Variants in PTH2R observed in about 807,000 individuals in gnomAD.
PTH2R encodes parathyroid hormone 2 receptor, also known as PTH2 receptor.
PTH2R carries 59 observed loss-of-function variants against 60.3 expected under a neutral mutation model. The ratio of observed to expected loss-of-function variants is 0.98; its 90% confidence interval spans 0.79 to 1.22. PTH2R has a LOEUF of 1.22. Among genes scored for constraint, PTH2R ranks in the 50% most tolerant of loss-of-function variants. The pLI, the probability that PTH2R is intolerant of heterozygous loss-of-function variation, is 0.00. For missense variants in PTH2R, 749 were observed against 682.6 expected, an observed-to-expected ratio of 1.10 and a Z score of -1.08; for synonymous variants, 256 against 243.8, an observed-to-expected ratio of 1.05 and a Z score of -0.47.
At chr2:208,490,477 G>A (rs1481811164) in intron 11 of PTH2R, among the ~76,000 whole-genome samples, 162 bp from the exon 12 acceptor site, 2 of 152,128 alleles carry the variant, frequency 1.3e-5, no homozygotes, top group Admixed American at 6.5e-5. Context: ...CAAATTTAAT[G>A]TAAACATAAG....
intron 2 of PTH2R, 61 bp from the exon 3 acceptor site, chr2:208,437,476 G>T (rs193301409): frequency 1.4e-6 from 2 of 1,428,416 alleles, no homozygotes; most frequent in Admixed American, 4.5e-5. Flanking sequence ...GAATGCATTT[G>T]TTCTCTGGTT....
intron 1 of PTH2R, among the ~76,000 whole-genome samples, chr2:208,411,837 T>G (rs933525794): frequency 6.6e-6 from 1 of 152,238 alleles, no homozygotes; most frequent in Non-Finnish European, 1.5e-5. Context: ...TATAGTGACA[T>G]CTACTCATAG....
At chr2:208,387,358 AC>A (rs1402042539) in intron 1 of PTH2R, among the ~76,000 whole-genome samples, 39 of 152,336 alleles carry the variant, frequency 2.6e-4, no homozygotes. Flanking sequence ...CCCTAAATGC[AC>A]ATACAGGCAT....
intron 1 of PTH2R, 35 bp from the exon 2 acceptor site, chr2:208,428,166 T>A (rs1053400973): frequency 6.7e-6 from 10 of 1,499,430 alleles, no homozygotes; most frequent in Non-Finnish European, 9.2e-6. Flanking sequence ...TGAAAAAACA[T>A]GATGAAAATG....
intron 8 of PTH2R, among the ~76,000 whole-genome samples, chr2:208,454,328 G>C (rs1014852032): frequency 6.6e-6 from 1 of 152,128 alleles, no homozygotes; most frequent in Non-Finnish European, 1.5e-5. Context: ...CCCCCAATGT[G>C]ACTCTATTTG....
chr2:208,465,203 T>C (rs1702719142), intron 9 of PTH2R, among the ~76,000 whole-genome samples: 2 of 151,428 alleles, frequency 1.3e-5, no homozygotes. Context: ...CTCAAACTCC[T>C]GGGCTCAAGC....
Position 208,481,024 on chromosome 2 carries a change from C to T in PTH2R, c.982-46C>T, listed in dbSNP as rs1574912159. ...AATTTATGTAAATGTTTATAAAAAT[C>T]TTGAAGACTAACAATAATTCTTTGT... is the stretch of plus-strand genomic sequence containing the variant. On this transcript the variant is annotated intron_variant, in intron 9 of 12. Transcript: ENST00000272847. 3.0e-6 allele frequency: 4 copies of T among 1,329,274 alleles called. No individual in the cohort carries two copies. In the African/African-American group the frequency reaches 4.5e-5, roughly 15 times the overall value. 82.3% of individuals were successfully genotyped at this position (1,329,274 alleles called of 1,614,324 possible).
At position 208,444,872 on chromosome 2, in the gene PTH2R, A is replaced by C; in HGVS notation, c.838A>C (p.Ile280Leu). ...FSDTKYLWGF[I>L]LIGWGFPAAF... The stretch of plus-strand genomic sequence containing the variant: ...GGACACCAAATACCTGTGGGGCTTC[A>C]TCTTGATAGGCTGGGGTAAGACATT... Residue 280 changes from isoleucine (I) to leucine (L), a missense_variant, in exon 7 of 13, where the codon ATC becomes CTC. Transcript: ENST00000272847. 6.2e-7 allele frequency: 1 copy of C among 1,613,364 alleles called. No individual in the cohort carries two copies. The highest frequency in any genetic ancestry group is 1.1e-5 in the South Asian group (1 of 90,976).
rs902930822 is a variant in PTH2R, at chr2:208,473,054, C to A, written c.982-8016C>A. Among the ~76,000 whole-genome samples the A allele has an allele frequency of 8.5e-5, 13 of 152,142 alleles. No individual in the cohort carries two copies. In the East Asian group the frequency reaches 2.1e-3, roughly 25 times the overall value. On this transcript the variant is annotated intron_variant, in intron 9 of 12. Coordinates refer to ENST00000272847, the MANE Select transcript of PTH2R (RefSeq NM_005048.4). The stretch of plus-strand genomic sequence containing the variant: ...GCACATACCCTGGTGCATGAGAGGA[C>A]TTAGGTGGTATATGCAAGGTCATTA...
In PTH2R at chr2:208,380,825, A is replaced by G. The variant is rs555210195; in HGVS notation, c.-259+20588A>G. 6.6e-5 allele frequency among the ~76,000 whole-genome samples: 10 copies of G among 151,782 alleles called. No individual in the cohort carries two copies. In the East Asian group the frequency reaches 1.7e-3, roughly 26 times the overall value. On this transcript the variant is annotated intron_variant, in intron 1 of 12. Transcript: ENST00000617735. ...TGTTAGCTGGTAGACCTAAGCCACC[A>G]CTCCAGTACTGACTGTCAGTAAGGA...
chr2:208,376,768 A>G (rs1220161384), intron 1 of PTH2R, among the ~76,000 whole-genome samples: 2 of 151,996 alleles, frequency 1.3e-5, no homozygotes, highest in African/African-American at 4.8e-5. Flanking sequence ...TGTGGGCTCT[A>G]TTCTCTGCAG....
chr2:208,427,688 G>A (rs1335874663), intron 1 of PTH2R, among the ~76,000 whole-genome samples: 1 of 151,934 alleles, frequency 6.6e-6, no homozygotes, highest in Non-Finnish European at 1.5e-5. Flanking sequence ...CAATATTTTG[G>A]GATGTTTTGT....
chr2:208,477,745 C>CT (rs1157156014), intron 9 of PTH2R, among the ~76,000 whole-genome samples: 2 of 151,692 alleles, frequency 1.3e-5, no homozygotes, highest in South Asian at 2.1e-4. Context: ...AGCCATCTCT[C>CT]TTTTTTTAAA....
chr2:208,391,402 GATAA>G (rs1395784186), intron 1 of PTH2R, among the ~76,000 whole-genome samples: 3 of 152,182 alleles, frequency 2.0e-5, no homozygotes, highest in Admixed American at 2.0e-4. Flanking sequence ...TCTCTTGATA[GATAA>G]CCCACTGGCT....
At chr2:208,455,129 A>G (rs748203168) in intron 8 of PTH2R, among the ~76,000 whole-genome samples, 10 of 152,180 alleles carry the variant, frequency 6.6e-5, no homozygotes, top group Non-Finnish European at 1.2e-4. Context: ...ATGTTATCTA[A>G]TTGACATCAT....
chr2:208,439,727 A>G (rs923639081), intron 4 of PTH2R, among the ~76,000 whole-genome samples: 1 of 152,148 alleles, frequency 6.6e-6, no homozygotes, highest in East Asian at 1.9e-4. Context: ...TTAGAGTGTG[A>G]TATTTAAAAC....
At chr2:208,395,783 C>A (rs1205344911) in intron 1 of PTH2R, among the ~76,000 whole-genome samples, 1 of 152,194 alleles carries the variant, frequency 6.6e-6, no homozygotes, top group East Asian at 1.9e-4. Context: ...CTACCAATGA[C>A]TTTCTTCACA....
intron 1 of PTH2R, among the ~76,000 whole-genome samples, chr2:208,397,196 C>T (rs568229115): frequency 1.3e-5 from 2 of 151,912 alleles, no homozygotes; most frequent in African/African-American, 4.8e-5. Flanking sequence ...AGGAGAAATA[C>T]CTAATGTAAA....
intron 8 of PTH2R, among the ~76,000 whole-genome samples, chr2:208,451,274 G>T (rs1463877490): frequency 6.6e-6 from 1 of 152,070 alleles, no homozygotes; most frequent in Admixed American, 6.5e-5. Context: ...GACAGAATCT[G>T]GTGCCCTGGG....
Sources: allele counts gnomAD v4.1 joint callset (sites outside exome capture counted in the v4.1 genomes callset), GRCh38; gene constraint gnomAD v4.1.1; transcripts MANE v1.5; gene names NCBI Gene and HGNC (gene_info 2026-07-23, HGNC 2026-07-21).